MARCHF6: variants seen among roughly 807,000 people sequenced by gnomAD.
MARCHF6 encodes E3 ubiquitin-protein ligase MARCHF6.
A neutral mutation model predicts 133.7 loss-of-function variants in MARCHF6; 31 were observed. The observed-to-expected ratio is 0.23, with a 90% CI of 0.17 to 0.31. The LOEUF is 0.31. MARCHF6 is among the 10% of genes least tolerant of loss of function. The probability of loss-of-function intolerance (pLI) is 1.00; values close to 1 mark genes in which losing one functional copy is unlikely to be tolerated. For synonymous variants in MARCHF6, 395 were observed against 402.5 expected (o/e 0.98, Z 0.22); for missense variants, 723 against 1,121.6 (o/e 0.64, Z 5.08).
intron 16 of MARCHF6, among the ~76,000 whole-genome samples, chr5:10,406,757 AG>A (rs1738916498): frequency 6.6e-6 from 1 of 152,202 alleles, no homozygotes; most frequent in Non-Finnish European, 1.5e-5. Flanking sequence ...ACATGGGGCA[AG>A]TCTTAGCTGG....
rs1483169079 is a variant in MARCHF6 at position 10,405,542 on chromosome 5, T to TA, written c.1333-12dup. The TA allele has an allele frequency of 6.3e-7, 1 of 1,583,016 alleles. No individual in the cohort carries two copies. Among genetic ancestry groups the TA allele is most frequent in the Middle Eastern group, 1.7e-4 (1 of 5,776 alleles). On this transcript the variant is annotated splice_polypyrimidine_tract_variant and intron_variant, in intron 15 of 25. Coordinates refer to ENST00000274140, the MANE Select transcript of MARCHF6 (RefSeq NM_005885.4). ...GACATTGGTGAATATTCATAGTATT[T>TA]AAAATATATTTGCAGGTACTTCGAC...
chr5:10,375,421 G>T (rs544021039), intron 1 of MARCHF6, among the ~76,000 whole-genome samples: 1 of 152,352 alleles, frequency 6.6e-6, no homozygotes, highest in East Asian at 1.9e-4. Flanking sequence ...CCTGCAGCCC[G>T]CCATGCCTGA....
chr5:10,418,441 C>CT (rs1399231298), intron 22 of MARCHF6, among the ~76,000 whole-genome samples: 1 of 150,760 alleles, frequency 6.6e-6, no homozygotes, highest in African/African-American at 2.4e-5. Flanking sequence ...CAGCAAAGGT[C>CT]TTAAAGCTCA....
chr5:10,369,607 C>A (rs1383324369), intron 1 of MARCHF6, among the ~76,000 whole-genome samples: 5 of 14,240 alleles, frequency 3.5e-4, no homozygotes, highest in East Asian at 2.7e-3. Flanking sequence ...TCCATTACCC[C>A]CCCCCCCCCT....
intron 1 of MARCHF6, 69 bp downstream of exon 1, chr5:10,353,986 C>G (rs935640259): frequency 4.1e-6 from 6 of 1,477,400 alleles, no homozygotes; most frequent in Non-Finnish European, 5.4e-6. Flanking sequence ...GCCAGGTCCG[C>G]GGCGCTCGAG....
chr5:10,391,520 C>G, intron 6 of MARCHF6, 22 bp from the exon 7 acceptor site: 1 of 1,217,670 alleles, frequency 8.2e-7, no homozygotes, highest in Non-Finnish European at 1.1e-6. Context: ...ATCTAAATTT[C>G]TGGGCTTTTC....
Position 10,407,098 on chromosome 5 carries a change from G to A in MARCHF6, c.1453-4G>A. ...GTGGTGTCATACCCTGTTTCCTTCT[G>A]CAGATTGTCTTTGGCTCCATTGTCC... On this transcript the variant is annotated splice_region_variant and splice_polypyrimidine_tract_variant and intron_variant, in intron 16 of 25. Coordinates refer to ENST00000274140, the MANE Select transcript of MARCHF6 (RefSeq NM_005885.4). The A allele has an allele frequency of 1.9e-6, 3 of 1,574,738 alleles. No individual in the cohort carries two copies. Among genetic ancestry groups the A allele is most frequent in the South Asian group, 2.2e-5 (2 of 89,900 alleles).
In MARCHF6 at chr5:10,423,708, TATGTTAA is replaced by T; in HGVS notation, c.2284-23_2284-17del. 1 of 1,493,110 alleles carries T rather than the reference TATGTTAA, an allele frequency of 6.7e-7. No homozygotes were observed. Among genetic ancestry groups the T allele is most frequent in the Non-Finnish European group, 9.3e-7 (1 of 1,075,202 alleles). 92.5% of individuals were successfully genotyped at this position (1,493,110 alleles called of 1,614,324 possible). A position where few individuals can be genotyped will look rare whatever the true frequency, so the allele number is the denominator to read the frequency against. On this transcript the variant is annotated intron_variant, in intron 22 of 25. Transcript: ENST00000274140. ...GTTTATTGTTAAAAAACAACAGAAA[TATGTTAA>T]ATGGTTTTTAATTCCCTAGGACTGG...
intron 15 of MARCHF6, 79 bp from the exon 16 acceptor site, chr5:10,405,479 C>G (rs1180568294): frequency 1.6e-6 from 2 of 1,230,034 alleles, no homozygotes; most frequent in African/African-American, 3.1e-5. Flanking sequence ...AAGTGCTTAT[C>G]TTTCTGTTAA....
At chr5:10,393,558 T>C (rs747672669) in intron 7 of MARCHF6, among the ~76,000 whole-genome samples, 5 of 152,228 alleles carry the variant, frequency 3.3e-5, no homozygotes, top group Non-Finnish European at 7.3e-5. Flanking sequence ...TTCTCTCTCT[T>C]GATCTAATAC....
chr5:10,385,360 A>G (rs551807525), intron 4 of MARCHF6, among the ~76,000 whole-genome samples: 134 of 152,374 alleles, frequency 8.8e-4, no homozygotes, highest in African/African-American at 3.0e-3. Flanking sequence ...GGCAAGTGCT[A>G]GAAGAATAGA....
chr5:10,356,150 T>C (rs1172036822), intron 1 of MARCHF6, among the ~76,000 whole-genome samples: 2 of 152,004 alleles, frequency 1.3e-5, no homozygotes, highest in African/African-American at 4.8e-5. Flanking sequence ...AAAAAACTAA[T>C]AAAAAATGTT....
In MARCHF6 at chr5:10,402,485, A is replaced by G. The variant is rs762259442; in HGVS notation, c.1122+33A>G. On this transcript the variant is annotated intron_variant, in intron 13 of 25. Transcript: ENST00000274140. ...CTGTTATAACTTAAAATTGGAAATG[A>G]TTTCTCCTACATTTGGGTGATACTG... 3 of 1,612,448 alleles carry G rather than the reference A, an allele frequency of 1.9e-6. No homozygotes were observed. In the Admixed American group the frequency reaches 5.0e-5, roughly 27 times the overall value.
chr5:10,412,415 A>G (rs2934219), intron 19 of MARCHF6, among the ~76,000 whole-genome samples: 33,653 of 152,036 alleles, frequency 0.22, 5,461 homozygotes, highest in East Asian at 0.68. Context: ...CTTAATATGG[A>G]CCCAAAGGAA....
rs527236337 is a variant in MARCHF6, at chr5:10,384,802, C to A, written c.335-2192C>A. ...AGAAAACTGGCAGTATCTACTGATG[C>A]TAAATATTACAAATACCTTATGATC... On this transcript the variant is annotated intron_variant, in intron 4 of 25. Transcript: ENST00000274140. Among the ~76,000 whole-genome samples the A allele has an allele frequency of 1.3e-4, 20 of 152,288 alleles. No homozygotes were observed. The East Asian group carries it at 3.7e-3, about 28-fold the overall frequency.
intron 16 of MARCHF6, among the ~76,000 whole-genome samples, chr5:10,406,001 T>C (rs2567582): frequency 6.6e-6 from 1 of 151,958 alleles, no homozygotes; most frequent in African/African-American, 2.4e-5. Flanking sequence ...TGGGCAGCGG[T>C]CAAGCAAGCA....
chr5:10,410,350 T>G lies in MARCHF6; in HGVS notation c.1691+74T>G, dbSNP rs377324158. On this transcript the variant is annotated intron_variant, in intron 18 of 25. Transcript: ENST00000274140. ...TGGAATAACCTTTCTGGAAAAAGTA[T>G]GTTCCATGGCCCACTCAAGAAAAAT... The G allele has an allele frequency of 5.2e-5, 80 of 1,533,182 alleles. No homozygotes were observed. The South Asian group carries it at 8.4e-4, about 16-fold the overall frequency. 95.0% of individuals were successfully genotyped at this position (1,533,182 alleles called of 1,614,324 possible).
At chr5:10,383,973 A>C (rs1265365520) in intron 4 of MARCHF6, among the ~76,000 whole-genome samples, 16 of 152,164 alleles carry the variant, frequency 1.1e-4, no homozygotes, top group Admixed American at 1.0e-3. Context: ...TGTGGACTAG[A>C]CTTATAACTA....
In MARCHF6 at chr5:10,394,021, T is replaced by G. The variant is rs1738031122; in HGVS notation, c.767-61T>G. The G allele has an allele frequency of 5.0e-6, 5 of 1,008,314 alleles. No individual in the cohort carries two copies. The South Asian group carries it at 1.0e-4, about 21-fold the overall frequency. 62.5% of individuals were successfully genotyped at this position (1,008,314 alleles called of 1,614,324 possible). On this transcript the variant is annotated intron_variant, in intron 7 of 25. Coordinates refer to ENST00000274140, the MANE Select transcript of MARCHF6 (RefSeq NM_005885.4). ...ATTTTACTATTTTTAGTGCATTCTATTTTTTTTATTATTTATTATTTTTAC... is the reference window on the plus strand; with the variant it reads ...ATTTTACTATTTTTAGTGCATTCTAGTTTTTTTATTATTTATTATTTTTAC...
Sources: allele counts gnomAD v4.1 joint callset (sites outside exome capture counted in the v4.1 genomes callset), GRCh38; gene constraint gnomAD v4.1.1; transcripts MANE v1.5; gene names NCBI Gene and HGNC (gene_info 2026-07-23, HGNC 2026-07-21).